Variants in PEX3 observed in about 807,000 individuals in gnomAD.
PEX3 encodes peroxisomal biogenesis factor 3.
A neutral mutation model predicts 55.8 loss-of-function variants in PEX3; 30 were observed. The observed-to-expected ratio is 0.54, with a 90% CI of 0.40 to 0.73. PEX3 has a LOEUF of 0.73. PEX3 is among the 30% of genes least tolerant of loss of function. The pLI is 0.00. For missense variants in PEX3, 351 were observed against 432.8 expected, an observed-to-expected ratio of 0.81 and a Z score of 1.68; for synonymous variants, 135 against 148.4, an observed-to-expected ratio of 0.91 and a Z score of 0.66.
In PEX3 at chr6:143,476,287, A is replaced by G. The variant is rs1584013551; in HGVS notation, c.818+1431A>G. Among the ~76,000 whole-genome samples the G allele has an allele frequency of 6.6e-6, 1 of 152,220 alleles. No individual in the cohort carries two copies. The highest frequency in any genetic ancestry group is 1.5e-5 in the Non-Finnish European group (1 of 68,040). ...TTGGCTGGAGCACAGTGAATGAGAAAAGTAATAGGGAAGTGAGATTGGAGA... is the reference window on the plus strand; with the variant it reads ...TTGGCTGGAGCACAGTGAATGAGAAGAGTAATAGGGAAGTGAGATTGGAGA... On this transcript the variant is annotated intron_variant, in intron 9 of 11. Transcript: ENST00000367591. The surrounding 1 kb of genome is among the most constrained non-coding windows in gnomAD (Gnocchi z 5.4).
rs1780330759 is a variant in PEX3, at chr6:143,486,960, A to G, written c.1038+1712A>G. On this transcript the variant is annotated intron_variant, in intron 11 of 11. Coordinates refer to ENST00000367591, the MANE Select transcript of PEX3 (RefSeq NM_003630.3). The surrounding 1 kb of genome is among the most constrained non-coding windows in gnomAD (Gnocchi z 5.0). ...GCTGTTTCAACAAAACTTTATATAC[A>G]AAAACAGGCGGCAGTGGATTTGGCC... Among the ~76,000 whole-genome samples the G allele has an allele frequency of 6.6e-6, 1 of 152,210 alleles. No individual in the cohort carries two copies. The highest frequency in any genetic ancestry group is 2.4e-5 in the African/African-American group (1 of 41,464).
chr6:143,472,129 T>C lies in PEX3; in HGVS notation c.579-31T>C, dbSNP rs772162171. 9 of 1,478,280 alleles carry C rather than the reference T, an allele frequency of 6.1e-6. No individual in the cohort carries two copies. In the African/African-American group the frequency reaches 9.7e-5, roughly 16 times the overall value. 91.6% of individuals were successfully genotyped at this position (1,478,280 alleles called of 1,614,324 possible). ...TATAGGATGTGTTGTATAGTTTCTA[T>C]TTATCCCAATTCCCTTTTCTCTGTT... On this transcript the variant is annotated intron_variant, in intron 7 of 11. Coordinates refer to ENST00000367591, the MANE Select transcript of PEX3 (RefSeq NM_003630.3).
Position 143,454,198 on chromosome 6 carries a change from T to G in PEX3, c.73+3083T>G, listed in dbSNP as rs1167128520. Among the ~76,000 whole-genome samples the G allele has an allele frequency of 1.3e-5, 2 of 152,242 alleles. No individual in the cohort carries two copies. On this transcript the variant is annotated intron_variant, in intron 1 of 11. Coordinates refer to ENST00000367591, the MANE Select transcript of PEX3 (RefSeq NM_003630.3). This position sits in a 1 kb window ranked among gnomAD's most constrained non-coding sequence, Gnocchi z 4.3. ...ATCTCTTTCTATATTCTGTCAGTTG[T>G]GGTATCACACATCATGTAACCTCTC...
rs1415871450 is a variant in PEX3 at position 143,483,793 on chromosome 6, T to A, written c.942-1359T>A. ...CAACAAGTATGTATTGGATGTCCAC[T>A]GTACACAAGACCTTTTACTATGTGC... On this transcript the variant is annotated intron_variant, in intron 10 of 11. Transcript: ENST00000367591. This position sits in a 1 kb window ranked among gnomAD's most constrained non-coding sequence, Gnocchi z 4.3. 6.6e-6 allele frequency among the ~76,000 whole-genome samples: 1 copy of A among 152,188 alleles called. No individual in the cohort carries two copies. Among genetic ancestry groups the A allele is most frequent in the South Asian group, 2.1e-4 (1 of 4,832 alleles).
At chr6:143,478,402 T>C (rs1267754429) in intron 9 of PEX3, among the ~76,000 whole-genome samples, 1 of 152,022 alleles carries the variant, frequency 6.6e-6, no homozygotes, top group Non-Finnish European at 1.5e-5. Flanking sequence ...GCCCTCTAAG[T>C]CCTACTTCAA....
chr6:143,467,340 A>G (rs550765098), intron 3 of PEX3, among the ~76,000 whole-genome samples: 1 of 152,122 alleles, frequency 6.6e-6, no homozygotes, highest in Non-Finnish European at 1.5e-5. Flanking sequence ...TGAATTCATG[A>G]TGTATATTAC....
intron 1 of PEX3, among the ~76,000 whole-genome samples, chr6:143,456,464 C>T (rs1779846726): frequency 6.6e-6 from 1 of 152,132 alleles, no homozygotes; most frequent in Admixed American, 6.5e-5. Flanking sequence ...AGCCTGATTT[C>T]CAAGTACCAC....
chr6:143,479,577 A>T lies in PEX3; in HGVS notation c.941+379A>T, dbSNP rs959978391. The stretch of plus-strand genomic sequence containing the variant: ...GCCATTTTGGTCTGCATATTTCAAT[A>T]TTTTGTTCCTTATAATACCCGGGCA... On this transcript the variant is annotated intron_variant, in intron 10 of 11. Coordinates refer to ENST00000367591, the MANE Select transcript of PEX3 (RefSeq NM_003630.3). This position sits in a 1 kb window ranked among gnomAD's most constrained non-coding sequence, Gnocchi z 4.6. Among the ~76,000 whole-genome samples, 4 of 152,046 alleles carry T rather than the reference A, an allele frequency of 2.6e-5. No homozygotes were observed. Among genetic ancestry groups the T allele is most frequent in the Non-Finnish European group, 5.9e-5 (4 of 67,912 alleles).
chr6:143,477,890 C>T (rs2128747373), intron 9 of PEX3, among the ~76,000 whole-genome samples: 1 of 152,158 alleles, frequency 6.6e-6, no homozygotes, highest in Non-Finnish European at 1.5e-5. Flanking sequence ...TAAAGTTCAG[C>T]CCAAATTACC....
intron 2 of PEX3, among the ~76,000 whole-genome samples, chr6:143,461,752 G>A (rs1207574080): frequency 5.9e-5 from 9 of 152,100 alleles, no homozygotes; most frequent in Non-Finnish European, 1.2e-4. Flanking sequence ...TTCAAGACAA[G>A]CTTGAGCAAC....
chr6:143,450,893 C>G lies in PEX3; in HGVS notation c.-150C>G. ...GCCCCCTTGCCGCTCCGGTGACAGTCTCTGCGGAAAGTCACGTTTGTGATT... is the reference window on the plus strand; with the variant it reads ...GCCCCCTTGCCGCTCCGGTGACAGTGTCTGCGGAAAGTCACGTTTGTGATT... On this transcript the variant is annotated 5_prime_UTR_variant, in exon 1 of 12. Transcript: ENST00000367591. 1.2e-6 allele frequency: 1 copy of G among 815,668 alleles called. No individual in the cohort carries two copies. Among genetic ancestry groups the G allele is most frequent in the Non-Finnish European group, 2.2e-6 (1 of 459,582 alleles). The allele number at this position is 815,668 out of a possible 1,614,324, so 50.5% of individuals were successfully genotyped here. A position where few individuals can be genotyped will look rare whatever the true frequency, so the allele number is the denominator to read the frequency against.
Position 143,463,833 on chromosome 6 carries a change from G to T in PEX3, c.287+836G>T, listed in dbSNP as rs181155197. Among the ~76,000 whole-genome samples, 14 of 152,248 alleles carry T rather than the reference G, an allele frequency of 9.2e-5. No homozygotes were observed. The Middle Eastern group carries it at 0.01, about 111-fold the overall frequency. On this transcript the variant is annotated intron_variant, in intron 3 of 11. Coordinates refer to ENST00000367591, the MANE Select transcript of PEX3 (RefSeq NM_003630.3). This position sits in a 1 kb window ranked among gnomAD's most constrained non-coding sequence, Gnocchi z 5.7. ...CCCACTTAATTTACACAATATCCCTGTGAGGCGGTTACTATTATTCATTTT... is the reference window on the plus strand; with the variant it reads ...CCCACTTAATTTACACAATATCCCTTTGAGGCGGTTACTATTATTCATTTT...
In PEX3 at chr6:143,468,147, G is replaced by A. The variant is rs764144619; in HGVS notation, c.313G>A (p.Glu105Lys). The part of the protein sequence containing the change: ...NRPSNKLEIW[E>K]DLKIISFTRS... ...GCCTTCAAACAAGCTAGAAATATGG[G>A]AGGATCTGAAGATAATAAGTAAGCC... Residue 105 changes from glutamate to lysine, a missense_variant, in exon 4 of 12, where the codon GAG becomes AAG. By Grantham distance (56) the Glu-to-Lys change is moderately conservative. Transcript: ENST00000367591. 1.3e-6 allele frequency: 2 copies of A among 1,585,336 alleles called. No homozygotes were observed. Among genetic ancestry groups the A allele is most frequent in the South Asian group, 1.1e-5 (1 of 89,842 alleles).
rs1780275503 is a variant in PEX3 at position 143,483,754 on chromosome 6, C to T, written c.942-1398C>T. 6.6e-6 allele frequency among the ~76,000 whole-genome samples: 1 copy of T among 152,040 alleles called. No individual in the cohort carries two copies. The highest frequency in any genetic ancestry group is 2.4e-5 in the African/African-American group (1 of 41,396). On this transcript the variant is annotated intron_variant, in intron 10 of 11. Coordinates refer to ENST00000367591, the MANE Select transcript of PEX3 (RefSeq NM_003630.3). This position sits in a 1 kb window ranked among gnomAD's most constrained non-coding sequence, Gnocchi z 4.3. ...GGACAGACAAATGGATGAATGAAGA[C>T]TTATTAATCAATTCAACAAGTATGT...
At chr6:143,478,155 A>G (rs188978175) in intron 9 of PEX3, among the ~76,000 whole-genome samples, 2 of 152,276 alleles carry the variant, frequency 1.3e-5, no homozygotes, top group African/African-American at 2.4e-5. Flanking sequence ...GCTAAGTGAA[A>G]GAAGCCAGAC....
intron 8 of PEX3, among the ~76,000 whole-genome samples, chr6:143,474,576 T>G (rs1780125172): frequency 6.6e-6 from 1 of 152,212 alleles, no homozygotes; most frequent in South Asian, 2.1e-4. Context: ...CTAAGTATAA[T>G]TTTACTTTTA....
Position 143,485,167 on chromosome 6 carries a change from C to A in PEX3, c.957C>A (p.Ser319Arg). The change falls in exon 11 of 12, where the codon AGC becomes AGA. Residue 319 changes from serine (S) to arginine (R), a missense_variant. Transcript: ENST00000367591. This position sits in a 1 kb window ranked among gnomAD's most constrained non-coding sequence, Gnocchi z 5.6. ...GATTTTTCAGTCTTTCCAGTGTCAG[C>A]CTGCCTTTAGCTAAGATAATTCCAA... Reference protein sequence around the residue: ...GNSMNSLSSVSLPLAKIIPIV... With the variant: ...GNSMNSLSSVRLPLAKIIPIV... 6.3e-7 allele frequency: 1 copy of A among 1,595,946 alleles called. No homozygotes were observed. The highest frequency in any genetic ancestry group is 8.6e-7 in the Non-Finnish European group (1 of 1,163,810).
intron 4 of PEX3, among the ~76,000 whole-genome samples, chr6:143,468,412 T>C (rs1780019347): frequency 6.6e-6 from 1 of 152,234 alleles, no homozygotes; most frequent in East Asian, 1.9e-4. Context: ...ACATATGCCT[T>C]TATTAGGTAC....
Position 143,451,084 on chromosome 6 carries a change from G to A in PEX3, c.42G>A (p.Lys14=). ...GGAATTTTCTGAAACGCCACAAAAA[G>A]AAATGCATCTTCCTGGGCACGGTCC... ...SVWNFLKRHK[K]KCIFLGTVLG... The change falls in exon 1 of 12, where the codon AAG becomes AAA. Residue 14 remains lysine, a synonymous_variant. Coordinates refer to ENST00000367591, the MANE Select transcript of PEX3 (RefSeq NM_003630.3). This position sits in a 1 kb window ranked among gnomAD's most constrained non-coding sequence, Gnocchi z 4.1. 5 of 1,613,820 alleles carry A rather than the reference G, an allele frequency of 3.1e-6. No homozygotes were observed. The highest frequency in any genetic ancestry group is 4.2e-6 in the Non-Finnish European group (5 of 1,179,738).
Sources: gnomAD v4.1 joint callset for allele counts (sites outside exome capture counted in the v4.1 genomes callset) on GRCh38, gnomAD v4.1.1 for gene constraint, Gnocchi (gnomAD v3.1) non-coding constraint, MANE v1.5 for transcripts, NCBI Gene and HGNC (gene_info 2026-07-23, HGNC 2026-07-21) for gene names.